Variants in SORCS1 observed in about 807,000 individuals in gnomAD.
The protein encoded by SORCS1 is sortilin related VPS10 domain containing receptor 1, also known as VPS10 domain-containing receptor SorCS1.
A neutral mutation model predicts 146.1 loss-of-function variants in SORCS1; 60 were observed. That is an observed-to-expected ratio of 0.41 (90% confidence interval 0.33 to 0.51). The LOEUF (loss-of-function observed/expected upper bound fraction) is 0.51, where lower values mean the gene tolerates loss of function less well. SORCS1 is among the 20% of genes least tolerant of loss of function. SORCS1 has a pLI of 0.21. For missense variants in SORCS1, 1,352 were observed against 1,487.6 expected (o/e 0.91, Z 1.50); for synonymous variants, 637 against 584.0 (o/e 1.09, Z -1.31).
At chr10:106,726,976 C>A (rs1250518749) in intron 6 of SORCS1, among the ~76,000 whole-genome samples, 1 of 151,870 alleles carries the variant, frequency 6.6e-6, no homozygotes, top group African/African-American at 2.4e-5. Flanking sequence ...GTCCCAGCTA[C>A]TCAGGAGGCT....
intron 1 of SORCS1, among the ~76,000 whole-genome samples, chr10:107,131,870 G>C (rs560730427): frequency 1.3e-5 from 2 of 152,336 alleles, no homozygotes; most frequent in South Asian, 4.1e-4. Flanking sequence ...GAGGCACAAT[G>C]ATAGGTGGGA....
chr10:106,915,651 T>C lies in SORCS1; in HGVS notation c.626+40862A>G, dbSNP rs562235027. Among the ~76,000 whole-genome samples the C allele has an allele frequency of 2.6e-4, 39 of 152,286 alleles. 1 individual carries two copies. Among genetic ancestry groups the C allele is most frequent in the Admixed American group, 2.5e-3 (38 of 15,284 alleles). On this transcript the variant is annotated intron_variant, in intron 2 of 25. Transcript: ENST00000263054. The stretch of plus-strand genomic sequence containing the variant: ...TGGCGATTTCCCAGAGAATTTGATA[T>C]GCATGATATATTTGGGGAACATAGT...
chr10:106,929,323 T>C (rs1205398167), intron 2 of SORCS1, among the ~76,000 whole-genome samples: 2 of 152,110 alleles, frequency 1.3e-5, no homozygotes, highest in Non-Finnish European at 2.9e-5. Context: ...CCTGTGGCAG[T>C]TAATAGAAAA....
chr10:106,577,554 T>C lies in SORCS1; in HGVS notation c.3373A>G (p.Arg1125Gly), dbSNP rs1366398510. The change falls in exon 26 of 26, where the codon AGA becomes GGA. Residue 1125 changes from arginine (R) to glycine (G), a missense_variant and splice_region_variant. By Grantham distance (125) the Arg-to-Gly change is moderately radical. Around this residue, in one of 3 missense-constraint regions of SORCS1, gnomAD observed 214 missense variants for 204.8 expected, o/e 1.05. Transcript: ENST00000263054. ...AVFVIYKFKR[R>G]VALPSPPSPS... Reference sequence around the variant, plus strand: ...GAGGGAGGGGAGGGTAAAGCTACTCTCCTAAGAGAAAACGTGTAACACTTA... The same window carrying C: ...GAGGGAGGGGAGGGTAAAGCTACTCCCCTAAGAGAAAACGTGTAACACTTA... 2.2e-5 allele frequency: 35 copies of C among 1,610,424 alleles called. No individual in the cohort carries two copies. The highest frequency in any genetic ancestry group is 2.8e-5 in the Non-Finnish European group (33 of 1,177,874).
Position 106,917,525 on chromosome 10 carries a change from C to A in SORCS1, c.626+38988G>T, listed in dbSNP as rs570230905. 3.9e-5 allele frequency among the ~76,000 whole-genome samples: 6 copies of A among 152,212 alleles called. No individual in the cohort carries two copies. The South Asian group carries it at 1.2e-3, about 32-fold the overall frequency. On this transcript the variant is annotated intron_variant, in intron 2 of 25. Transcript: ENST00000263054. Reference sequence around the variant, plus strand: ...TTAGATTAGGCTGGGGATTATTAACCCTGGAGGACAGATGACTCTTTTTCA... The same window carrying A: ...TTAGATTAGGCTGGGGATTATTAACACTGGAGGACAGATGACTCTTTTTCA...
intron 1 of SORCS1, among the ~76,000 whole-genome samples, chr10:107,157,828 C>T (rs1969408958): frequency 6.6e-6 from 1 of 152,186 alleles, no homozygotes; most frequent in Non-Finnish European, 1.5e-5. Flanking sequence ...TGGAGCCTGG[C>T]CTCACCTCGC....
chr10:106,665,981 C>A (rs1444854927), intron 17 of SORCS1, among the ~76,000 whole-genome samples: 1 of 152,136 alleles, frequency 6.6e-6, no homozygotes, highest in Admixed American at 6.5e-5. Context: ...GCTGGGACTA[C>A]AGGCACCCAC....
At chr10:107,119,389 T>C (rs192360425) in intron 1 of SORCS1, among the ~76,000 whole-genome samples, 11 of 152,338 alleles carry the variant, frequency 7.2e-5, no homozygotes, top group Admixed American at 6.5e-4. Flanking sequence ...ATGGTTTGTA[T>C]ATAAGGGTTG....
At chr10:106,752,238 A>G (rs1436699291) in intron 5 of SORCS1, among the ~76,000 whole-genome samples, 2 of 152,194 alleles carry the variant, frequency 1.3e-5, no homozygotes, top group African/African-American at 4.8e-5. Context: ...ACATCATCAC[A>G]TTTAAATTCA....
At position 106,956,456 on chromosome 10, in the gene SORCS1, G is replaced by T. The variant is rs1954946877; in HGVS notation, c.626+57C>A. On this transcript the variant is annotated intron_variant, in intron 2 of 25. Coordinates refer to ENST00000263054, the MANE Select transcript of SORCS1 (RefSeq NM_052918.5). ...CCAGGAAAAAGTGGGTGGGACAGCA[G>T]TAGCAGGCATCATGCTTAAATAACA... The T allele has an allele frequency of 2.0e-6, 3 of 1,513,880 alleles. No individual in the cohort carries two copies. The South Asian group carries it at 3.4e-5, about 17-fold the overall frequency. The allele number at this position is 1,513,880 out of a possible 1,614,324, so 93.8% of individuals were successfully genotyped here. A position where few individuals can be genotyped will look rare whatever the true frequency, so the allele number is the denominator to read the frequency against.
At chr10:107,149,904 C>T (rs1287094622) in intron 1 of SORCS1, among the ~76,000 whole-genome samples, 1 of 152,188 alleles carries the variant, frequency 6.6e-6, no homozygotes, top group Non-Finnish European at 1.5e-5. Context: ...CACTAATGAC[C>T]TTTTCTCCTA....
chr10:106,710,711 T>C (rs1245101368), intron 6 of SORCS1, among the ~76,000 whole-genome samples: 1 of 152,136 alleles, frequency 6.6e-6, no homozygotes, highest in East Asian at 1.9e-4. Context: ...GTATTGAGAA[T>C]AAATTCAAAC....
chr10:107,036,286 G>A lies in SORCS1; in HGVS notation c.559-79706C>T, dbSNP rs541029821. Among the ~76,000 whole-genome samples the A allele has an allele frequency of 2.0e-5, 3 of 152,242 alleles. No homozygotes were observed. In the East Asian group the frequency reaches 5.8e-4, roughly 29 times the overall value. Reference sequence around the variant, plus strand: ...TTGTAGGTATTCTAAGTAATCTACAGATAATTTAATGTAATGTGTATAGGT... The same window carrying A: ...TTGTAGGTATTCTAAGTAATCTACAAATAATTTAATGTAATGTGTATAGGT... On this transcript the variant is annotated intron_variant, in intron 1 of 25. Coordinates refer to ENST00000263054, the MANE Select transcript of SORCS1 (RefSeq NM_052918.5).
chr10:106,702,149 T>C (rs1218495313), intron 8 of SORCS1, among the ~76,000 whole-genome samples: 1 of 152,232 alleles, frequency 6.6e-6, no homozygotes, highest in African/African-American at 2.4e-5. Flanking sequence ...GACTTGTCTG[T>C]GGAAATTAGC....
At chr10:106,699,478 G>A in intron 8 of SORCS1, 85 bp from the exon 9 acceptor site, 2 of 1,237,462 alleles carry the variant, frequency 1.6e-6, no homozygotes, top group Non-Finnish European at 1.1e-6. Context: ...GGAATCAAAT[G>A]AGGAATACCA....
chr10:107,076,151 C>T (rs984209379), intron 1 of SORCS1, among the ~76,000 whole-genome samples: 3 of 152,060 alleles, frequency 2.0e-5, no homozygotes, highest in African/African-American at 7.2e-5. Flanking sequence ...ACTGTGAATA[C>T]TAAAGTCTGT....
intron 5 of SORCS1, among the ~76,000 whole-genome samples, chr10:106,739,088 G>C (rs1190324568): frequency 6.6e-6 from 1 of 152,134 alleles, no homozygotes; most frequent in Non-Finnish European, 1.5e-5. Flanking sequence ...AGTAATAAGA[G>C]ACCAAGCAAA....
At chr10:106,862,684 G>A (rs146942769) in intron 2 of SORCS1, among the ~76,000 whole-genome samples, 7 of 148,152 alleles carry the variant, frequency 4.7e-5, no homozygotes, top group Admixed American at 6.9e-5. Context: ...GGTGGCTCGC[G>A]CCTGTAATCC....
At chr10:106,825,821 T>G (rs986996310) in intron 3 of SORCS1, among the ~76,000 whole-genome samples, 7 of 152,236 alleles carry the variant, frequency 4.6e-5, no homozygotes, top group Admixed American at 4.6e-4. Flanking sequence ...CCACTCAGCC[T>G]TTTCTTCTGG....
Sources: allele counts gnomAD v4.1 joint callset (sites outside exome capture counted in the v4.1 genomes callset), GRCh38; gene constraint gnomAD v4.1.1; regional missense constraint gnomAD v4.1.1; transcripts MANE v1.5; gene names NCBI Gene and HGNC (gene_info 2026-07-23, HGNC 2026-07-21).